RICTOR: variants seen among roughly 807,000 people sequenced by gnomAD.
RICTOR encodes RPTOR independent companion of MTOR complex 2, also known as rapamycin-insensitive companion of mTOR.
In RICTOR, 49 loss-of-function variants were observed where a neutral mutation model predicts 214.9. That is an observed-to-expected ratio of 0.23 (90% CI 0.18 to 0.29). RICTOR has a LOEUF of 0.29. RICTOR is among the 10% of genes least tolerant of loss of function. RICTOR has a pLI of 1.00. For synonymous variants in RICTOR, 717 were observed against 711.3 expected (o/e 1.01, Z -0.13); for missense variants, 1,625 against 2,047.0 (o/e 0.79, Z 3.98).
At chr5:38,946,088 A>G (rs1053663242) in intron 33 of RICTOR, among the ~76,000 whole-genome samples, 1 of 152,232 alleles carries the variant, frequency 6.6e-6, no homozygotes, top group Non-Finnish European at 1.5e-5. Flanking sequence ...ATATTAAAAT[A>G]TAACAGTTCA....
rs769455118 is a variant in RICTOR at position 38,958,798 on chromosome 5, C to T, written c.2212G>A (p.Val738Ile). The change falls in exon 23 of 38, where the codon GTA (valine) becomes ATA (isoleucine). Residue 738 changes from valine to isoleucine, a missense_variant. Val to Ile is a conservative substitution (Grantham distance 29). Transcript: ENST00000357387. ...AATTCAACATTAGCTCTCAATAATACCCTTAAATGTTTTGTTGCATAGAGT... is the reference window on the plus strand; with the variant it reads ...AATTCAACATTAGCTCTCAATAATATCCTTAAATGTTTTGTTGCATAGAGT... ...CRLYATKHLR[V>I]LLRANVEFFN... is the part of the protein sequence containing the mutation. The T allele has an allele frequency of 6.2e-7, 1 of 1,604,442 alleles. No individual in the cohort carries two copies. Among genetic ancestry groups the T allele is most frequent in the South Asian group, 1.1e-5 (1 of 89,184 alleles).
chr5:38,950,628 C>T lies in RICTOR; in HGVS notation c.3220G>A (p.Asp1074Asn). 6.2e-7 allele frequency: 1 copy of T among 1,612,850 alleles called. No individual in the cohort carries two copies. Among genetic ancestry groups the T allele is most frequent in the East Asian group, 2.2e-5 (1 of 44,840 alleles). ...INEDTEPTFYDRSGPIKDKNS... is the reference protein window; with the variant it reads ...INEDTEPTFYNRSGPIKDKNS... The stretch of plus-strand genomic sequence containing the variant: ...TTATCCTTTATGGGTCCAGATCGGT[C>T]ATAAAATGTTGGCTCTGTATCTTCA... Residue 1074 changes from aspartate (D) to asparagine (N), a missense_variant, in exon 31 of 38, where the codon GAC (aspartate) becomes AAC (asparagine). By Grantham distance (23) the Asp-to-Asn change is conservative. Coordinates refer to ENST00000357387, the MANE Select transcript of RICTOR (RefSeq NM_152756.5).
chr5:38,968,371 C>T (rs1750412562), intron 11 of RICTOR, among the ~76,000 whole-genome samples: 1 of 151,506 alleles, frequency 6.6e-6, no homozygotes. Context: ...TGTAAAATTA[C>T]ATAATACCTG....
At chr5:39,045,240 A>C (rs7703002) in intron 2 of RICTOR, among the ~76,000 whole-genome samples, 139,583 of 152,116 alleles carry the variant, frequency 0.92, 64,212 homozygotes, top group African/African-American at 0.96. Context: ...TCTTCACCAG[A>C]CTACAGAAAT....
At chr5:39,031,149 C>T (rs191601671) in intron 2 of RICTOR, among the ~76,000 whole-genome samples, 22 of 152,190 alleles carry the variant, frequency 1.4e-4, no homozygotes, top group Admixed American at 1.3e-4. Flanking sequence ...AATCTTGAAG[C>T]AAATGTCTAA....
At chr5:38,953,117 C>T (rs374944779) in intron 28 of RICTOR, 26 bp from the exon 29 acceptor site, 7 of 1,433,260 alleles carry the variant, frequency 4.9e-6, no homozygotes, top group Non-Finnish European at 5.9e-6. Context: ...TCACTTACAT[C>T]AAATATAAGA....
chr5:39,019,790 T>C (rs916335035), intron 3 of RICTOR, among the ~76,000 whole-genome samples: 1 of 152,126 alleles, frequency 6.6e-6, no homozygotes, highest in Non-Finnish European at 1.5e-5. Context: ...TTTAATGAAA[T>C]ACATTTTACA....
chr5:38,998,029 C>T (rs954847935), intron 5 of RICTOR, among the ~76,000 whole-genome samples: 2 of 152,176 alleles, frequency 1.3e-5, no homozygotes, highest in Non-Finnish European at 2.9e-5. Flanking sequence ...TAGATTTCAG[C>T]AGAAACACAA....
intron 3 of RICTOR, among the ~76,000 whole-genome samples, chr5:39,019,952 G>A (rs561408700): frequency 1.3e-5 from 2 of 152,280 alleles, no homozygotes; most frequent in South Asian, 4.1e-4. Context: ...CAGGAATTTG[G>A]AAGAAGTTTA....
At chr5:39,021,812 A>G (rs1238848397) in intron 2 of RICTOR, among the ~76,000 whole-genome samples, 1 of 152,218 alleles carries the variant, frequency 6.6e-6, no homozygotes, top group African/African-American at 2.4e-5. Flanking sequence ...GAAACAGACT[A>G]AGAAAAATCT....
rs548111079 is a variant in RICTOR, at chr5:38,970,194, T to C, written c.972+1683A>G. ...CTGGGATGTTCACAGGATGAAATCA[T>C]CTAACAGTGAGTTTCTTAGAACACA... is the stretch of plus-strand genomic sequence containing the variant. On this transcript the variant is annotated intron_variant, in intron 11 of 37. Transcript: ENST00000357387. 3 of 152,218 alleles carry C rather than the reference T, an allele frequency of 2.0e-5. No homozygotes were observed. The South Asian group carries it at 6.2e-4, about 32-fold the overall frequency. 9.4% of individuals were successfully genotyped at this position (152,218 alleles called of 1,614,324 possible).
At chr5:39,002,413 TATAC>T (rs150515721) in intron 5 of RICTOR, 118 bp downstream of exon 5, 116,680 of 563,884 alleles carry the variant, frequency 0.21, 10,852 homozygotes, top group East Asian at 0.31. Flanking sequence ...TATATATATA[TATAC>T]ACACACACAA....
intron 33 of RICTOR, among the ~76,000 whole-genome samples, chr5:38,946,114 A>G (rs1748159637): frequency 6.6e-6 from 1 of 152,200 alleles, no homozygotes; most frequent in Non-Finnish European, 1.5e-5. Flanking sequence ...AAGACCGTGT[A>G]TTTTATAAGT....
intron 7 of RICTOR, among the ~76,000 whole-genome samples, chr5:38,990,534 TAC>T (rs1458186287): frequency 8.8e-5 from 2 of 22,768 alleles, no homozygotes; most frequent in African/African-American, 1.8e-4. Flanking sequence ...ACGATATATA[TAC>T]GATATATACA....
At position 38,940,892 on chromosome 5, in the gene RICTOR, A is replaced by C. The variant is rs1264288949; in HGVS notation, c.*1412T>G. 1 of 232,274 alleles carries C rather than the reference A, an allele frequency of 4.3e-6. No individual in the cohort carries two copies. Among genetic ancestry groups the C allele is most frequent in the Non-Finnish European group, 8.5e-6 (1 of 117,514 alleles). The allele number at this position is 232,274 out of a possible 1,614,324, so 14.4% of individuals were successfully genotyped here. ...ATGGGAAAATATTAATGTTGCTATG[A>C]CTGTGTCAAAACTGATGTGTAATTG... is the stretch of plus-strand genomic sequence containing the variant. On this transcript the variant is annotated 3_prime_UTR_variant, in exon 38 of 38. Transcript: ENST00000357387.
At chr5:38,946,280 A>T (rs1417246490) in intron 33 of RICTOR, among the ~76,000 whole-genome samples, 188 bp downstream of exon 33, 1 of 152,220 alleles carries the variant, frequency 6.6e-6, no homozygotes, top group African/African-American at 2.4e-5. Context: ...AACACTGTTA[A>T]GTCCCTCACA....
At chr5:39,040,936 TAATA>T (rs905761091) in intron 2 of RICTOR, among the ~76,000 whole-genome samples, 4 of 152,148 alleles carry the variant, frequency 2.6e-5, no homozygotes, top group African/African-American at 9.7e-5. Flanking sequence ...AACAGTAATA[TAATA>T]GACAGGTAGG....
At chr5:39,036,035 T>C (rs1305302538) in intron 2 of RICTOR, among the ~76,000 whole-genome samples, 1 of 151,856 alleles carries the variant, frequency 6.6e-6, no homozygotes, top group Non-Finnish European at 1.5e-5. Context: ...AAAGTTGAAA[T>C]GAAGGAAAAA....
In RICTOR at chr5:38,954,786, C is replaced by A. The variant is rs1749102589; in HGVS notation, c.2685G>T (p.Leu895Phe). The change falls in exon 27 of 38, where the codon TTG (leucine) becomes TTT (phenylalanine). Residue 895 changes from leucine to phenylalanine, a missense_variant. Physicochemically the swap from Leu to Phe is conservative, Grantham distance 22 (BLOSUM62 0). Around this residue, in one of 5 missense-constraint regions of RICTOR, gnomAD observed 1,214 missense variants for 1,470.5 expected, o/e 0.83. Coordinates refer to ENST00000357387, the MANE Select transcript of RICTOR (RefSeq NM_152756.5). The stretch of plus-strand genomic sequence containing the variant: ...ATTATGTTTTTACCTGTACTTCCAA[C>A]AAATGGCAGCCTGTTTTATGGTGTA... ...QLVHHKTGCHLLEVQNIITEL... is the reference protein window; with the variant it reads ...QLVHHKTGCHFLEVQNIITEL... The A allele has an allele frequency of 1.3e-6, 2 of 1,591,250 alleles. No homozygotes were observed. The highest frequency in any genetic ancestry group is 2.7e-5 in the African/African-American group (2 of 74,192).
Sources: allele counts gnomAD v4.1 joint callset (sites outside exome capture counted in the v4.1 genomes callset), GRCh38; gene constraint gnomAD v4.1.1; regional missense constraint gnomAD v4.1.1; transcripts MANE v1.5; gene names NCBI Gene and HGNC (gene_info 2026-07-23, HGNC 2026-07-21).